The following DNAJB1 variants were observed in gnomAD, a reference collection of about 807,000 sequenced individuals.
The protein encoded by DNAJB1 is DnaJ heat shock protein family (Hsp40) member B1, also known as dnaJ homolog subfamily B member 1.
Under a neutral mutation model 24.0 loss-of-function variants are expected in DNAJB1, and 14 were observed. That is an observed-to-expected ratio of 0.58 (90% CI 0.39 to 0.91). The LOEUF (loss-of-function observed/expected upper bound fraction) is 0.91, where lower values mean the gene tolerates loss of function less well. DNAJB1 is among the 40% of genes least tolerant of loss of function. The pLI is 0.00. For synonymous variants in DNAJB1, 262 were observed against 174.4 expected (o/e 1.50, Z -3.96); for missense variants, 517 against 458.1 (o/e 1.13, Z -1.17).
upstream of DNAJB1, chr19:14,532,534 AAG>A (rs1395822899): frequency 9.3e-5 from 14 of 150,598 alleles, no homozygotes; most frequent in East Asian, 2.7e-3. Flanking sequence ...AAAAAAAAAA[AAG>A]GGAAGCTTCA....
chr19:14,543,500 G>A (rs1395411090), intron 1 of DNAJB1, among the ~76,000 whole-genome samples: 3 of 117,732 alleles, frequency 2.5e-5, no homozygotes, highest in Non-Finnish European at 5.0e-5. Context: ...GTGCAGTGGC[G>A]CGATCTAGGC....
chr19:14,543,671 C>T (rs1342158509), intron 1 of DNAJB1, among the ~76,000 whole-genome samples: 1 of 150,316 alleles, frequency 6.7e-6, no homozygotes, highest in Non-Finnish European at 1.5e-5. Flanking sequence ...ATCTCCTGAC[C>T]TCGTGATCCT....
intron 1 of DNAJB1, chr19:14,517,879 T>C (rs2072301378): frequency 5.4e-6 from 2 of 373,266 alleles, no homozygotes; most frequent in Admixed American, 9.4e-5. Flanking sequence ...CCGGGGCTGC[T>C]CGGGGCCGCG....
intron 1 of DNAJB1, among the ~76,000 whole-genome samples, chr19:14,542,989 C>CTT (rs572624462): frequency 2.7e-4 from 28 of 102,266 alleles, no homozygotes; most frequent in African/African-American, 9.4e-4. Flanking sequence ...CTTCCAAATT[C>CTT]TTTTTTTTTT....
intron 1 of DNAJB1, among the ~76,000 whole-genome samples, chr19:14,546,804 C>T (rs1023479569): frequency 4.6e-5 from 7 of 152,166 alleles, no homozygotes; most frequent in Non-Finnish European, 1.0e-4. Flanking sequence ...ATTCTCCCAC[C>T]TTAGCCTCCC....
Position 14,515,855 on chromosome 19 carries a change from T to G in DNAJB1, c.*85A>C. On this transcript the variant is annotated 3_prime_UTR_variant, in exon 3 of 3. Transcript: ENST00000254322. Reference sequence around the variant, plus strand: ...AAGCCCTCCCTGGGCCCTCCCACCCTCTCATGGTCCACAACTGGTAGAAAG... The same window carrying G: ...AAGCCCTCCCTGGGCCCTCCCACCCGCTCATGGTCCACAACTGGTAGAAAG... 11 of 1,111,770 alleles carry G rather than the reference T, an allele frequency of 9.9e-6. No homozygotes were observed. Among genetic ancestry groups the G allele is most frequent in the Non-Finnish European group, 1.4e-5 (11 of 774,288 alleles). 68.9% of individuals were successfully genotyped at this position (1,111,770 alleles called of 1,614,324 possible). A position where few individuals can be genotyped will look rare whatever the true frequency, so the allele number is the denominator to read the frequency against.
chr19:14,518,210 T>G lies in DNAJB1; in HGVS notation c.140A>C (p.Glu47Ala). 4 of 1,609,872 alleles carry G rather than the reference T, an allele frequency of 2.5e-6. No homozygotes were observed. Among genetic ancestry groups the G allele is most frequent in the Non-Finnish European group, 3.4e-6 (4 of 1,178,458 alleles). ...GAGCACGTCGTAGGCCTCAGCGATC[T>G]CCTTGAACTTCTCCTCGGCGCCGGG... ...KEPGAEEKFK[E>A]IAEAYDVLSD... Residue 47 changes from glutamate to alanine, a missense_variant, in exon 1 of 3, where the codon GAG (glutamate) becomes GCG (alanine). Transcript: ENST00000254322.
At chr19:14,536,062 T>TA (rs2072886818) in intron 1 of DNAJB1, among the ~76,000 whole-genome samples, 2 of 152,070 alleles carry the variant, frequency 1.3e-5, no homozygotes, top group South Asian at 4.1e-4. Flanking sequence ...TCTGTAAAGT[T>TA]ACAGATGAGG....
In DNAJB1 at chr19:14,514,929, G is replaced by A. The variant is rs1005560903; in HGVS notation, c.*1011C>T. 6.6e-6 allele frequency: 1 copy of A among 152,538 alleles called. No homozygotes were observed. Among genetic ancestry groups the A allele is most frequent in the African/African-American group, 2.4e-5 (1 of 41,406 alleles). 9.4% of individuals were successfully genotyped at this position (152,538 alleles called of 1,614,324 possible). A position where few individuals can be genotyped will look rare whatever the true frequency, so the allele number is the denominator to read the frequency against. Reference sequence around the variant, plus strand: ...GTTCCAACTCCCCTTCCCTCCCCAAGATTTCTTCAGAATTCCATTATGGCC... The same window carrying A: ...GTTCCAACTCCCCTTCCCTCCCCAAAATTTCTTCAGAATTCCATTATGGCC... On this transcript the variant is annotated 3_prime_UTR_variant, in exon 3 of 3. Coordinates refer to ENST00000254322, the MANE Select transcript of DNAJB1 (RefSeq NM_006145.3).
chr19:14,529,914 C>T (rs559207042), upstream of DNAJB1: 6 of 739,622 alleles, frequency 8.1e-6, no homozygotes, highest in African/African-American at 1.8e-5. Context: ...AATCTGCAAC[C>T]CAGGCTGTTT....
At chr19:14,547,519 C>T (rs996915240) in intron 1 of DNAJB1, among the ~76,000 whole-genome samples, 12 of 152,258 alleles carry the variant, frequency 7.9e-5, no homozygotes, top group African/African-American at 2.2e-4. Context: ...TGCCACCACA[C>T]CTGGCTAATT....
intron 1 of DNAJB1, among the ~76,000 whole-genome samples, chr19:14,543,417 A>ATATATATATT (rs2073187366): frequency 2.0e-4 from 2 of 9,992 alleles, no homozygotes; most frequent in African/African-American, 7.4e-4. Context: ...ATATATATAT[A>ATATATATATT]TATTTTTTTT....
chr19:14,536,907 G>A (rs1018458239), intron 1 of DNAJB1, among the ~76,000 whole-genome samples: 5 of 149,536 alleles, frequency 3.3e-5, no homozygotes, highest in African/African-American at 7.4e-5. Context: ...CATTTGACAA[G>A]TAGTACGGCC....
chr19:14,541,736 A>C (rs2073102683), intron 1 of DNAJB1, among the ~76,000 whole-genome samples: 1 of 150,672 alleles, frequency 6.6e-6, no homozygotes, highest in Non-Finnish European at 1.5e-5. Context: ...TGAGGCTGAC[A>C]GGGCAGGGCT....
intron 1 of DNAJB1, among the ~76,000 whole-genome samples, chr19:14,535,143 C>G (rs1259494919): frequency 6.6e-6 from 1 of 151,718 alleles, no homozygotes; most frequent in East Asian, 1.9e-4. Flanking sequence ...GAGGCTGAGG[C>G]AGGAGGATCA....
At chr19:14,551,471 C>G (rs1260080097), upstream of DNAJB1, among the ~76,000 whole-genome samples, 1 of 152,140 alleles carries the variant, frequency 6.6e-6, no homozygotes, top group Non-Finnish European at 1.5e-5. Context: ...GATGGTCTTG[C>G]AGGCACACCC....
intron 1 of DNAJB1, among the ~76,000 whole-genome samples, chr19:14,541,525 G>GT (rs2073097404): frequency 6.6e-6 from 1 of 152,220 alleles, no homozygotes; most frequent in Non-Finnish European, 1.5e-5. Context: ...GTTCCAACAT[G>GT]TTTTTTCCCT....
chr19:14,525,735 A>C (rs992385351), intron 2 of DNAJB1, among the ~76,000 whole-genome samples: 1 of 152,030 alleles, frequency 6.6e-6, no homozygotes, highest in Non-Finnish European at 1.5e-5. Flanking sequence ...TGGTGGTTGC[A>C]TGACCGTATG....
intron 1 of DNAJB1, among the ~76,000 whole-genome samples, chr19:14,539,973 G>C (rs376608128): frequency 6.6e-6 from 1 of 150,934 alleles, no homozygotes. Context: ...TCCACCTCCC[G>C]GGTTCAAGTG....
Sources: allele counts gnomAD v4.1 joint callset (sites outside exome capture counted in the v4.1 genomes callset), GRCh38; gene constraint gnomAD v4.1.1; transcripts MANE v1.5; gene names NCBI Gene and HGNC (gene_info 2026-07-23, HGNC 2026-07-21).